PDS5A: variants seen among roughly 807,000 people sequenced by gnomAD.
PDS5A encodes the protein PDS5 cohesin associated factor A, also known as sister chromatid cohesion protein PDS5 homolog A.
A neutral mutation model predicts 167.1 loss-of-function variants in PDS5A; 42 were observed. That is an observed-to-expected ratio of 0.25 (90% CI 0.20 to 0.33). The LOEUF (loss-of-function observed/expected upper bound fraction) is 0.33. Among genes scored for constraint, PDS5A ranks in the 10% least tolerant of loss-of-function variants. The pLI is 1.00. For synonymous variants in PDS5A, 553 were observed against 554.6 expected, an observed-to-expected ratio of 1.00 and a Z score of 0.04; for missense variants, 1,033 against 1,605.9, an observed-to-expected ratio of 0.64 and a Z score of 6.10.
intron 2 of PDS5A, among the ~76,000 whole-genome samples, chr4:39,931,356 A>C (rs1726046588): frequency 1.3e-5 from 2 of 151,990 alleles, no homozygotes; most frequent in Non-Finnish European, 2.9e-5. Flanking sequence ...ATACCCCAAA[A>C]CTCAGTGCCT....
chr4:39,882,144 A>C (rs1720988167), intron 17 of PDS5A, among the ~76,000 whole-genome samples: 1 of 152,192 alleles, frequency 6.6e-6, no homozygotes, highest in Non-Finnish European at 1.5e-5. Context: ...AGAATAAATA[A>C]ATAAAACAAA....
chr4:39,848,872 T>C lies in PDS5A; in HGVS notation c.3318A>G (p.Lys1106=), dbSNP rs373377389. The C allele has an allele frequency of 1.4e-5, 23 of 1,603,214 alleles. No individual in the cohort carries two copies. The highest frequency in any genetic ancestry group is 1.9e-5 in the Non-Finnish European group (22 of 1,174,174). The change falls in exon 28 of 33, where the codon AAA becomes AAG. Residue 1106 remains lysine, a synonymous_variant. Transcript: ENST00000303538. The part of the protein sequence containing the change: ...DSPKDPVLPM[K]FFTQPEKDFC... ...TTACCTTTTCAGGTTGTGTAAAAAATTTCATTGGGAGGACTGGGTCCTTTG... is the reference window on the plus strand; with the variant it reads ...TTACCTTTTCAGGTTGTGTAAAAAACTTCATTGGGAGGACTGGGTCCTTTG...
chr4:39,964,335 TGATTA>T (rs1278797111), intron 2 of PDS5A, among the ~76,000 whole-genome samples: 2 of 152,186 alleles, frequency 1.3e-5, no homozygotes, highest in East Asian at 3.8e-4. Flanking sequence ...GCTGACTGGC[TGATTA>T]AATTATGTAA....
At chr4:39,865,074 G>A (rs1719314696) in intron 23 of PDS5A, among the ~76,000 whole-genome samples, 2 of 152,078 alleles carry the variant, frequency 1.3e-5, no homozygotes, top group Admixed American at 6.6e-5. Flanking sequence ...TATACTCATA[G>A]GAGTAATGAA....
At chr4:39,943,446 A>AT (rs1470250066) in intron 2 of PDS5A, among the ~76,000 whole-genome samples, 2 of 151,908 alleles carry the variant, frequency 1.3e-5, no homozygotes, top group East Asian at 3.9e-4. Flanking sequence ...GATGCCACAC[A>AT]TTTTACTAGC....
chr4:39,969,154 T>C (rs975159398), intron 2 of PDS5A, among the ~76,000 whole-genome samples: 5 of 152,252 alleles, frequency 3.3e-5, no homozygotes, highest in Admixed American at 6.5e-5. Context: ...GTTTTAATAT[T>C]TGTCAATTAA....
intron 11 of PDS5A, among the ~76,000 whole-genome samples, chr4:39,905,791 AG>A (rs1270042835): frequency 1.3e-5 from 2 of 152,044 alleles, no homozygotes; most frequent in Non-Finnish European, 2.9e-5. Flanking sequence ...AAAGGAAGGA[AG>A]ATAGGGAGAG....
At chr4:39,839,761 G>A (rs1237946899) in intron 31 of PDS5A, among the ~76,000 whole-genome samples, 1 of 147,546 alleles carries the variant, frequency 6.8e-6, no homozygotes, top group Non-Finnish European at 1.5e-5. Context: ...TTCTGGGGGG[G>A]GGGGGCAGGG....
intron 6 of PDS5A, 112 bp downstream of exon 6, chr4:39,922,510 C>T (rs1046927805): frequency 1.3e-5 from 11 of 876,362 alleles, no homozygotes; most frequent in East Asian, 6.3e-5. Context: ...AGGTGGAGAA[C>T]GGTCATGAGA....
In PDS5A at chr4:39,886,413, T is replaced by C. The variant is rs1721479889; in HGVS notation, c.1886+3836A>G. 2.0e-5 allele frequency among the ~76,000 whole-genome samples: 3 copies of C among 152,150 alleles called. 1 individual carries two copies. The highest frequency in any genetic ancestry group is 7.2e-5 in the African/African-American group (3 of 41,432). On this transcript the variant is annotated intron_variant, in intron 17 of 32. Transcript: ENST00000303538. ...TAAATTACTTTGAGTAGTACTGTCATTTTAACAATATTGATTTTGGCCGGG... is the reference window on the plus strand; with the variant it reads ...TAAATTACTTTGAGTAGTACTGTCACTTTAACAATATTGATTTTGGCCGGG...
intron 2 of PDS5A, chr4:39,933,257 G>A (rs1726259264): frequency 6.6e-6 from 1 of 152,134 alleles, no homozygotes; most frequent in Admixed American, 6.6e-5. Flanking sequence ...AGAGAGGTCT[G>A]TTCATGTGTG....
intron 2 of PDS5A, among the ~76,000 whole-genome samples, chr4:39,966,977 CAA>C (rs1730028445): frequency 6.6e-6 from 1 of 150,954 alleles, no homozygotes; most frequent in African/African-American, 2.4e-5. Context: ...GCCTGGGAAA[CAA>C]GAGTGAAATT....
chr4:39,963,271 C>G (rs902565024), intron 2 of PDS5A, among the ~76,000 whole-genome samples: 1 of 151,992 alleles, frequency 6.6e-6, no homozygotes, highest in Non-Finnish European at 1.5e-5. Context: ...GCCTGGCTAA[C>G]ATGGTGATAC....
chr4:39,937,281 C>A (rs1396001103), intron 2 of PDS5A, among the ~76,000 whole-genome samples: 2 of 152,066 alleles, frequency 1.3e-5, no homozygotes, highest in Non-Finnish European at 2.9e-5. Flanking sequence ...TTGGGAAATT[C>A]CAAGGGTTTT....
chr4:39,948,492 T>A (rs1728009522), intron 2 of PDS5A, among the ~76,000 whole-genome samples: 1 of 151,548 alleles, frequency 6.6e-6, no homozygotes, highest in Non-Finnish European at 1.5e-5. Context: ...GCCCTGCTAA[T>A]TTTTGTATTT....
At chr4:39,916,108 A>G (rs933488212) in intron 8 of PDS5A, among the ~76,000 whole-genome samples, 1 of 151,960 alleles carries the variant, frequency 6.6e-6, no homozygotes, top group Non-Finnish European at 1.5e-5. Flanking sequence ...ATGGTGAGGT[A>G]TACCTGTAGT....
intron 2 of PDS5A, among the ~76,000 whole-genome samples, chr4:39,972,272 A>G (rs1244316613): frequency 1.3e-5 from 2 of 152,212 alleles, no homozygotes; most frequent in Admixed American, 6.6e-5. Flanking sequence ...CTGTAATCCC[A>G]GCACTTTGGG....
intron 16 of PDS5A, among the ~76,000 whole-genome samples, chr4:39,890,676 G>A (rs2109620433): frequency 6.6e-6 from 1 of 152,224 alleles, no homozygotes; most frequent in Middle Eastern, 3.4e-3. Context: ...CAGTGCAGTG[G>A]CACGATCTCG....
intron 9 of PDS5A, among the ~76,000 whole-genome samples, chr4:39,911,894 A>G (rs1391517741): frequency 1.3e-5 from 2 of 152,250 alleles, no homozygotes; most frequent in East Asian, 1.9e-4. Context: ...CCTCAAATTT[A>G]AAACAGATTA....
Sources: allele counts gnomAD v4.1 joint callset (sites outside exome capture counted in the v4.1 genomes callset), GRCh38; gene constraint gnomAD v4.1.1; transcripts MANE v1.5; gene names NCBI Gene and HGNC (gene_info 2026-07-23, HGNC 2026-07-21).